The following UQCRC2 variants were observed in gnomAD, a reference collection of about 807,000 sequenced individuals.
UQCRC2 encodes cytochrome b-c1 complex subunit 2, mitochondrial.
A neutral mutation model predicts 55.6 loss-of-function variants in UQCRC2; 49 were observed. The observed-to-expected ratio is 0.88, with a 90% CI of 0.70 to 1.12. UQCRC2 has a LOEUF of 1.12. Among genes scored for constraint, UQCRC2 ranks in the 50% most tolerant of loss-of-function variants. The probability of loss-of-function intolerance (pLI) is 0.00; values close to 1 mark genes in which losing one functional copy is unlikely to be tolerated. For synonymous variants in UQCRC2, 193 were observed against 192.0 expected, an observed-to-expected ratio of 1.01 and a Z score of -0.04; for missense variants, 506 against 547.8, an observed-to-expected ratio of 0.92 and a Z score of 0.76.
Position 21,958,543 on chromosome 16 carries a change from AG to A in UQCRC2, c.278del (p.Gly93GlufsTer7). Reference protein sequence around the residue: ...LRLTSSLTTKGASSFKITRGI... With the variant: ...LRLTSSLTTKXASSFKITRGI... Reference sequence around the variant, plus strand: ...ATTCTTTCTTTTTCAAGACGACAAAAGGAGCTTCATCTTTCAAGATAACCCG... The same window carrying A: ...ATTCTTTCTTTTTCAAGACGACAAAAGAGCTTCATCTTTCAAGATAACCCG... On this transcript the variant is annotated frameshift_variant, in exon 4 of 14. Coordinates refer to ENST00000268379, the MANE Select transcript of UQCRC2 (RefSeq NM_003366.4). LOFTEE classifies it high-confidence loss of function. 6.2e-7 allele frequency: 1 copy of A among 1,612,296 alleles called. No homozygotes were observed. The highest frequency in any genetic ancestry group is 1.3e-5 in the African/African-American group (1 of 74,954).
At position 21,953,428 on chromosome 16, in the gene UQCRC2, A is replaced by G. The variant is rs375913233; in HGVS notation, c.5A>G (p.Lys2Arg). 1 of 1,612,950 alleles carries G rather than the reference A, an allele frequency of 6.2e-7. No homozygotes were observed. Among genetic ancestry groups the G allele is most frequent in the Non-Finnish European group, 8.5e-7 (1 of 1,179,728 alleles). Residue 2 changes from lysine to arginine, a missense_variant, in exon 1 of 14, where the codon AAG becomes AGG. Transcript: ENST00000268379. ...GTGTCAGAACAATCTTGAATCATGA[A>G]GCTACTAACCAGAGCCGGCTCTTTC... M[K>R]LLTRAGSFSR...
At chr16:21,960,259 A>G (rs539339299) in intron 4 of UQCRC2, among the ~76,000 whole-genome samples, 1 of 152,328 alleles carries the variant, frequency 6.6e-6, no homozygotes, top group South Asian at 2.1e-4. Flanking sequence ...TGCAGCTTCT[A>G]TATTAGCATT....
chr16:21,969,970 G>A (rs559575868), intron 8 of UQCRC2, among the ~76,000 whole-genome samples: 5 of 151,906 alleles, frequency 3.3e-5, no homozygotes, highest in African/African-American at 7.2e-5. Context: ...CTAGGCTCAG[G>A]TGATCCTCCC....
intron 13 of UQCRC2, among the ~76,000 whole-genome samples, chr16:21,981,150 C>T (rs1898716653): frequency 6.6e-6 from 1 of 152,184 alleles, no homozygotes; most frequent in Non-Finnish European, 1.5e-5. Flanking sequence ...CAATATTTCA[C>T]CATCTAGCAT....
At chr16:21,962,308 G>T (rs1898223367) in intron 4 of UQCRC2, 152 bp from the exon 5 acceptor site, 4 of 871,508 alleles carry the variant, frequency 4.6e-6, no homozygotes, top group Non-Finnish European at 6.9e-6. Flanking sequence ...TTGAATTTTA[G>T]TTGGTTAATA....
At chr16:21,960,530 G>A (rs1898175925) in intron 4 of UQCRC2, among the ~76,000 whole-genome samples, 1 of 152,166 alleles carries the variant, frequency 6.6e-6, no homozygotes, top group South Asian at 2.1e-4. Context: ...CAGTGGAGTA[G>A]CACTATTAGT....
rs551725232 is a variant in UQCRC2, at chr16:21,965,400, T to C, written c.515-8T>C. On this transcript the variant is annotated splice_region_variant and splice_polypyrimidine_tract_variant and intron_variant, in intron 6 of 13. Transcript: ENST00000268379. ...ATTTCCCTAAATGCTTCTTCACTTA[T>C]CTCACAGATGTCATTGAAAATTTGC... 7 of 1,613,438 alleles carry C rather than the reference T, an allele frequency of 4.3e-6. No homozygotes were observed. The highest frequency in any genetic ancestry group is 1.7e-4 in the Middle Eastern group (1 of 6,056).
At chr16:21,973,373 G>T (rs1898509333) in intron 10 of UQCRC2, among the ~76,000 whole-genome samples, 1 of 152,136 alleles carries the variant, frequency 6.6e-6, no homozygotes, top group African/African-American at 2.4e-5. Flanking sequence ...AGAGCTAAAA[G>T]CTCTGCTCAA....
intron 6 of UQCRC2, among the ~76,000 whole-genome samples, chr16:21,964,967 T>C (rs774444050): frequency 2.0e-5 from 3 of 152,174 alleles, no homozygotes; most frequent in Non-Finnish European, 4.4e-5. Context: ...GAAGCTCCCA[T>C]TGGTCCCCTG....
chr16:21,962,090 C>G (rs1898218346), intron 4 of UQCRC2: 1 of 188,656 alleles, frequency 5.3e-6, no homozygotes, highest in Non-Finnish European at 1.1e-5. Context: ...CTCCCCTCCC[C>G]TCAGCCTTTG....
intron 12 of UQCRC2, 65 bp downstream of exon 12, chr16:21,976,308 A>G: frequency 3.0e-6 from 4 of 1,351,092 alleles, no homozygotes; most frequent in Non-Finnish European, 4.2e-6. Context: ...TTTTCAGATT[A>G]TAACAATATT....
chr16:21,983,204 C>CCCAGA lies in UQCRC2; in HGVS notation c.*33_*34insCCAGA, dbSNP rs746520948. On this transcript the variant is annotated 3_prime_UTR_variant, in exon 14 of 14. Coordinates refer to ENST00000268379, the MANE Select transcript of UQCRC2 (RefSeq NM_003366.4). ...GCACACATTACAGGAGAGAGCTGAA[C>CCCAGA]GTTCTCTCAGCCCAGAGCAGCAAAC... 33 of 1,573,962 alleles carry CCCAGA rather than the reference C, an allele frequency of 2.1e-5. No homozygotes were observed. The Admixed American group carries it at 5.1e-4, about 24-fold the overall frequency.
At chr16:21,980,353 C>G in intron 12 of UQCRC2, 194 bp from the exon 13 acceptor site, 2 of 616,274 alleles carry the variant, frequency 3.2e-6, no homozygotes. Flanking sequence ...GAGACTTCTT[C>G]CCTTCAGACT....
intron 12 of UQCRC2, among the ~76,000 whole-genome samples, chr16:21,978,532 T>A (rs1898639596): frequency 6.6e-6 from 1 of 152,152 alleles, no homozygotes; most frequent in Admixed American, 6.6e-5. Flanking sequence ...GCCTTTTCCA[T>A]CATACCCTAT....
chr16:21,962,278 T>C, intron 4 of UQCRC2, 182 bp from the exon 5 acceptor site: 2 of 629,406 alleles, frequency 3.2e-6, no homozygotes, highest in South Asian at 4.1e-5. Context: ...TTGAATTATT[T>C]GCTGGTTTTT....
Position 21,957,318 on chromosome 16 carries a change from G to A in UQCRC2, c.117G>A (p.Glu39=). Residue 39 remains glutamate, a splice_region_variant and synonymous_variant, in exon 2 of 14, where the codon GAG becomes GAA. Transcript: ENST00000268379. Reference sequence around the variant, plus strand: ...CACCGCCACAACCTCAGGACCTTGAGGTTAGTCCCACTAACTTGCTCGCTG... The same window carrying A: ...CACCGCCACAACCTCAGGACCTTGAAGTTAGTCCCACTAACTTGCTCGCTG... ...AGAPPQPQDL[E]FTKLPNGLVI... 6.2e-7 allele frequency: 1 copy of A among 1,613,996 alleles called. No individual in the cohort carries two copies. The highest frequency in any genetic ancestry group is 8.5e-7 in the Non-Finnish European group (1 of 1,180,014).
intron 12 of UQCRC2, 198 bp downstream of exon 12, chr16:21,976,441 C>T (rs1244009814): frequency 2.1e-6 from 1 of 465,822 alleles, no homozygotes; most frequent in East Asian, 3.9e-5. Context: ...TCACTAATCC[C>T]AGCACTTTGG....
chr16:21,958,702 C>T (rs890382339), intron 4 of UQCRC2, 103 bp downstream of exon 4: 9 of 975,608 alleles, frequency 9.2e-6, no homozygotes, highest in Non-Finnish European at 1.2e-5. Context: ...TCTTAAGCAA[C>T]ATAAGAAGGA....
chr16:21,965,557 C>T (rs1341131720), intron 7 of UQCRC2, 52 bp downstream of exon 7: 18 of 1,365,126 alleles, frequency 1.3e-5, no homozygotes, highest in Non-Finnish European at 1.7e-5. Context: ...TTAAATTGAA[C>T]ATCTCCCATT....
Sources: allele counts gnomAD v4.1 joint callset (sites outside exome capture counted in the v4.1 genomes callset), GRCh38; gene constraint gnomAD v4.1.1; transcripts MANE v1.5; gene names NCBI Gene and HGNC (gene_info 2026-07-23, HGNC 2026-07-21).